The following ZFP2 variants were observed in gnomAD, a reference collection of about 807,000 sequenced individuals.
ZFP2 encodes ZFP2 zinc finger protein.
ZFP2 carries 33 observed loss-of-function variants against 36.1 expected under a neutral mutation model. The ratio of observed to expected loss-of-function variants is 0.92; its 90% CI spans 0.69 to 1.22. ZFP2 has a LOEUF of 1.22. Among genes scored for constraint, ZFP2 ranks in the 50% most tolerant of loss-of-function variants. The probability of loss-of-function intolerance (pLI) is 0.00; values close to 1 mark genes in which losing one functional copy is unlikely to be tolerated. For synonymous variants in ZFP2, 170 were observed against 178.0 expected (o/e 0.96, Z 0.36); for missense variants, 522 against 551.4 (o/e 0.95, Z 0.53).
chr5:178,929,042 C>T (rs1758759080), intron 4 of ZFP2, among the ~76,000 whole-genome samples: 1 of 152,112 alleles, frequency 6.6e-6, no homozygotes, highest in African/African-American at 2.4e-5. Context: ...GTAACCTGGC[C>T]CCTTTCAGCC....
At chr5:178,898,110 T>G (rs1394651206) in intron 1 of ZFP2, among the ~76,000 whole-genome samples, 4 of 152,166 alleles carry the variant, frequency 2.6e-5, no homozygotes, top group Non-Finnish European at 4.4e-5. Context: ...TGCCTCAGAC[T>G]CCTGAGTGGC....
intron 1 of ZFP2, among the ~76,000 whole-genome samples, chr5:178,900,142 G>A (rs2113044547): frequency 6.6e-6 from 1 of 152,302 alleles, no homozygotes; most frequent in East Asian, 1.9e-4. Flanking sequence ...TTTAATTTAT[G>A]TAGCCAAAAT....
rs940749447 is a variant in ZFP2 at position 178,897,328 on chromosome 5, G to A, written c.-450+1354G>A. Among the ~76,000 whole-genome samples the A allele has an allele frequency of 2.0e-5, 3 of 152,270 alleles. No individual in the cohort carries two copies. The East Asian group carries it at 5.8e-4, about 29-fold the overall frequency. On this transcript the variant is annotated intron_variant, in intron 1 of 4. Coordinates refer to ENST00000361362, the MANE Select transcript of ZFP2 (RefSeq NM_030613.4). Reference sequence around the variant, plus strand: ...TTACATTTGCATTTTGAACACTAATGAATATTTTCACGCAGTTTGCATTTT... The same window carrying A: ...TTACATTTGCATTTTGAACACTAATAAATATTTTCACGCAGTTTGCATTTT...
At chr5:178,918,142 C>G (rs1758480288) in intron 4 of ZFP2, among the ~76,000 whole-genome samples, 1 of 152,154 alleles carries the variant, frequency 6.6e-6, no homozygotes, top group African/African-American at 2.4e-5. Context: ...CTTTCTCTTG[C>G]TAAAATATGT....
intron 3 of ZFP2, chr5:178,913,974 A>C (rs1445121653): frequency 6.7e-6 from 1 of 149,832 alleles, no homozygotes; most frequent in Non-Finnish European, 1.5e-5. Context: ...CTCCTGCCTC[A>C]GCCTCCGGAG....
chr5:178,932,665 C>G lies in ZFP2; in HGVS notation c.1352C>G (p.Thr451Arg), dbSNP rs1207342952. 1 of 1,610,570 alleles carries G rather than the reference C, an allele frequency of 6.2e-7. No individual in the cohort carries two copies. The highest frequency in any genetic ancestry group is 2.2e-5 in the East Asian group (1 of 44,856). ...TGCGGAAAAGCCTTCAGCCGGAGTA[C>G]AAACCTTACACGACATCAAAGAACT... ...NECGKAFSRS[T>R]NLTRHQRTHT Residue 451 changes from threonine (T) to arginine (R), a missense_variant, in exon 5 of 5, where the codon ACA becomes AGA. Thr to Arg is a moderately conservative substitution (Grantham distance 71). Transcript: ENST00000361362.
chr5:178,910,539 C>A, intron 1 of ZFP2: 1 of 536,560 alleles, frequency 1.9e-6, no homozygotes, highest in South Asian at 1.7e-5. Context: ...TTGCTGGGGT[C>A]ATGGTCTGCA....
At chr5:178,923,268 ACT>A (rs1305091344) in intron 4 of ZFP2, among the ~76,000 whole-genome samples, 1 of 148,378 alleles carries the variant, frequency 6.7e-6, no homozygotes, top group East Asian at 1.9e-4. Flanking sequence ...CCTAATGAAA[ACT>A]CTATATCCTT....
chr5:178,930,930 A>G (rs17081834), intron 4 of ZFP2, among the ~76,000 whole-genome samples: 15,034 of 152,194 alleles, frequency 0.099, 1,007 homozygotes, highest in African/African-American at 0.19. Flanking sequence ...TTCATTATGT[A>G]GCCTACTCCA....
chr5:178,916,427 A>G, intron 3 of ZFP2, 138 bp from the exon 4 acceptor site: 1 of 417,902 alleles, frequency 2.4e-6, no homozygotes, highest in Non-Finnish European at 3.2e-6. Context: ...GTTTTTTAAC[A>G]AGGAAAAGAC....
intron 1 of ZFP2, among the ~76,000 whole-genome samples, chr5:178,899,535 C>T (rs79380525): frequency 0.13 from 20,089 of 151,768 alleles, 1,522 homozygotes; most frequent in African/African-American, 0.2. Flanking sequence ...TAGAAGAAAT[C>T]GGATAAAAAT....
In ZFP2 at chr5:178,930,616, C is replaced by A. The variant is rs375615147; in HGVS notation, c.-77-621C>A. On this transcript the variant is annotated intron_variant, in intron 4 of 4. Coordinates refer to ENST00000361362, the MANE Select transcript of ZFP2 (RefSeq NM_030613.4). ...GATTACGGCCATGAGCCACCACACC[C>A]GGGCTTGACCATATTTCTTAATCCT... is the stretch of plus-strand genomic sequence containing the variant. Among the ~76,000 whole-genome samples the A allele has an allele frequency of 7.2e-5, 11 of 152,212 alleles. No homozygotes were observed. The South Asian group carries it at 2.3e-3, about 32-fold the overall frequency.
In ZFP2 at chr5:178,918,186, T is replaced by C. The variant is rs528842155; in HGVS notation, c.-78+1476T>C. Among the ~76,000 whole-genome samples the C allele has an allele frequency of 2.4e-4, 36 of 152,350 alleles. No homozygotes were observed. In the South Asian group the frequency reaches 7.5e-3, roughly 32 times the overall value. On this transcript the variant is annotated intron_variant, in intron 4 of 4. Coordinates refer to ENST00000361362, the MANE Select transcript of ZFP2 (RefSeq NM_030613.4). ...GGCAGACATTTTTTCTGTTTATTGC[T>C]ATATCCTGAGCACCCAGAACAGTAC... is the stretch of plus-strand genomic sequence containing the variant.
chr5:178,916,835 G>A (rs767590688), intron 4 of ZFP2, 125 bp downstream of exon 4: 7 of 707,808 alleles, frequency 9.9e-6, no homozygotes, highest in African/African-American at 3.9e-5. Context: ...GGTAATTCTC[G>A]CTTTCTTCCC....
At chr5:178,929,845 T>C (rs1465267439) in intron 4 of ZFP2, among the ~76,000 whole-genome samples, 1 of 151,288 alleles carries the variant, frequency 6.6e-6, no homozygotes, top group East Asian at 1.9e-4. Flanking sequence ...CACATTGTTA[T>C]GAAGAAATAC....
chr5:178,924,553 AAGC>A (rs1282603549), intron 4 of ZFP2, among the ~76,000 whole-genome samples: 1 of 148,770 alleles, frequency 6.7e-6, no homozygotes, highest in Non-Finnish European at 1.5e-5. Flanking sequence ...AGAAAAAAGA[AAGC>A]AGGCCAGGCA....
At chr5:178,914,448 A>T (rs892385434) in intron 3 of ZFP2, among the ~76,000 whole-genome samples, 1 of 152,198 alleles carries the variant, frequency 6.6e-6, no homozygotes, top group Non-Finnish European at 1.5e-5. Context: ...TCTTTGGTAT[A>T]AAATGAAAGG....
intron 4 of ZFP2, among the ~76,000 whole-genome samples, chr5:178,925,422 G>A (rs1324230620): frequency 2.0e-5 from 3 of 149,218 alleles, no homozygotes; most frequent in East Asian, 3.8e-4. Context: ...CATGCACCTA[G>A]TGGTAGACTT....
chr5:178,912,921 G>A, intron 2 of ZFP2, 61 bp from the exon 3 acceptor site: 2 of 947,980 alleles, frequency 2.1e-6, no homozygotes, highest in Non-Finnish European at 2.5e-6. Flanking sequence ...TCAGAACTCT[G>A]CTAGGATTGG....
Sources: gnomAD v4.1 joint callset for allele counts (sites outside exome capture counted in the v4.1 genomes callset) on GRCh38, gnomAD v4.1.1 for gene constraint, MANE v1.5 for transcripts, NCBI Gene and HGNC (gene_info 2026-07-23, HGNC 2026-07-21) for gene names.